IFT140: variants seen among roughly 807,000 people sequenced by gnomAD.
IFT140 encodes the protein intraflagellar transport 140, also known as intraflagellar transport protein 140 homolog.
IFT140 carries 133 observed loss-of-function variants against 164.6 expected under a neutral mutation model. That is an observed-to-expected ratio of 0.81 (90% CI 0.70 to 0.93). The LOEUF (loss-of-function observed/expected upper bound fraction) is 0.93. IFT140 is among the 40% of genes least tolerant of loss of function. The probability of loss-of-function intolerance (pLI) is 0.00; values close to 1 mark genes in which losing one functional copy is unlikely to be tolerated. For missense variants in IFT140, 2,045 were observed against 1,972.3 expected, an observed-to-expected ratio of 1.04 and a Z score of -0.70; for synonymous variants, 860 against 817.3, an observed-to-expected ratio of 1.05 and a Z score of -0.89.
chr16:1,511,162 G>A lies in IFT140; in HGVS notation c.4183-12C>T, dbSNP rs1486803523. The A allele has an allele frequency of 3.1e-6, 5 of 1,592,628 alleles. No homozygotes were observed. Among genetic ancestry groups the A allele is most frequent in the African/African-American group, 1.3e-5 (1 of 74,792 alleles). ...AGGAATCTGTAGGCCTGGGGCAGAG[G>A]AGCAGACATTACTCAGCTTTCCTGA... On this transcript the variant is annotated splice_polypyrimidine_tract_variant and intron_variant, in intron 30 of 30. Coordinates refer to ENST00000426508, the MANE Select transcript of IFT140 (RefSeq NM_014714.4).
At chr16:1,561,519 C>G (rs1401817471) in intron 18 of IFT140, among the ~76,000 whole-genome samples, 4 of 152,176 alleles carry the variant, frequency 2.6e-5, no homozygotes, top group Non-Finnish European at 1.5e-5. Flanking sequence ...TGCCTCCAGG[C>G]TGGGATTATG....
chr16:1,594,501 G>A (rs1156724505), intron 4 of IFT140, among the ~76,000 whole-genome samples: 3 of 152,222 alleles, frequency 2.0e-5, no homozygotes, highest in Non-Finnish European at 4.4e-5. Flanking sequence ...GATTACGGGT[G>A]TGAGCCACAG....
chr16:1,558,740 C>T (rs2033242119), intron 18 of IFT140, among the ~76,000 whole-genome samples: 1 of 152,240 alleles, frequency 6.6e-6, no homozygotes, highest in South Asian at 2.1e-4. Flanking sequence ...TCTCTGGGCT[C>T]TAGCCCTGCC....
intron 1 of IFT140, 65 bp downstream of exon 1, chr16:1,611,903 C>G (rs2036329964): frequency 1.3e-5 from 2 of 152,244 alleles, no homozygotes; most frequent in Admixed American, 1.3e-4. Flanking sequence ...AAGTGCCCAG[C>G]GCCGCTCGGC....
intron 4 of IFT140, among the ~76,000 whole-genome samples, chr16:1,599,649 T>TG (rs1318857526): frequency 1.6e-3 from 17 of 10,352 alleles, no homozygotes; most frequent in African/African-American, 3.6e-3. Context: ...GGGAGGGAGG[T>TG]GGGGGGGGTC....
At chr16:1,575,285 G>A (rs1487505046) in intron 13 of IFT140, among the ~76,000 whole-genome samples, 1 of 152,060 alleles carries the variant, frequency 6.6e-6, no homozygotes, top group African/African-American at 2.4e-5. Context: ...TGAGGCAGGA[G>A]GATGAATTGA....
chr16:1,557,870 A>C, intron 19 of IFT140, 65 bp downstream of exon 19: 1 of 1,492,766 alleles, frequency 6.7e-7, no homozygotes, highest in Non-Finnish European at 9.3e-7. Context: ...GAAGGCAAAC[A>C]GGGAGAAAGG....
At chr16:1,538,303 G>A (rs1248182314) in intron 19 of IFT140, among the ~76,000 whole-genome samples, 1 of 152,212 alleles carries the variant, frequency 6.6e-6, no homozygotes, top group East Asian at 1.9e-4. Flanking sequence ...AGGGCTGTGT[G>A]CCTGGAGCTG....
intron 16 of IFT140, among the ~76,000 whole-genome samples, chr16:1,565,461 G>C (rs1192996742): frequency 6.6e-6 from 1 of 152,132 alleles, no homozygotes; most frequent in Non-Finnish European, 1.5e-5. Flanking sequence ...GAATCCAGGG[G>C]GGCTGGACAG....
chr16:1,585,893 C>A (rs894506283), intron 10 of IFT140, among the ~76,000 whole-genome samples: 72 of 151,760 alleles, frequency 4.7e-4, no homozygotes, highest in African/African-American at 1.6e-3. Flanking sequence ...GCCGCAGCCT[C>A]CTGAGTAGCT....
intron 15 of IFT140, among the ~76,000 whole-genome samples, chr16:1,567,392 GCCTCTGC>G (rs61256585): frequency 0.024 from 3,708 of 152,236 alleles, 145 homozygotes; most frequent in African/African-American, 0.085. Flanking sequence ...GCCAATGCCG[GCCTCTGC>G]CCTCTGCCCT....
intron 9 of IFT140, among the ~76,000 whole-genome samples, chr16:1,586,673 G>T (rs1022874912): frequency 6.6e-6 from 1 of 152,250 alleles, no homozygotes; most frequent in East Asian, 1.9e-4. Flanking sequence ...CCTTCCCGTG[G>T]CATTTCAGGA....
chr16:1,558,108 C>T lies in IFT140; in HGVS notation c.2226G>A (p.Glu742=). 1.2e-6 allele frequency: 2 copies of T among 1,614,150 alleles called. No homozygotes were observed. Among genetic ancestry groups the T allele is most frequent in the Admixed American group, 1.7e-5 (1 of 60,022 alleles). ...GGATGTGGTGGCACCCAGGCTCCAC[C>T]TCGTCTTCTCTGTCTGCTTCTTCGG... ...RKPEEADRED[E]VEPGCHHIPQ... is the part of the protein sequence containing the mutation. Residue 742 remains glutamate, a synonymous_variant, in exon 19 of 31, where the codon GAG becomes GAA. Coordinates refer to ENST00000426508, the MANE Select transcript of IFT140 (RefSeq NM_014714.4).
At chr16:1,527,752 T>G (rs548599214) in intron 19 of IFT140, among the ~76,000 whole-genome samples, 1 of 152,292 alleles carries the variant, frequency 6.6e-6, no homozygotes, top group South Asian at 2.1e-4. Flanking sequence ...TTTGTATTTT[T>G]TGTAGAGACA....
intron 19 of IFT140, among the ~76,000 whole-genome samples, chr16:1,547,478 C>T (rs1250623824): frequency 6.6e-6 from 1 of 152,192 alleles, no homozygotes; most frequent in African/African-American, 2.4e-5. Flanking sequence ...ACTTGGGAAT[C>T]GTCTCGTGGA....
chr16:1,586,854 A>G (rs1029050007), intron 9 of IFT140, among the ~76,000 whole-genome samples: 1 of 152,136 alleles, frequency 6.6e-6, no homozygotes, highest in African/African-American at 2.4e-5. Context: ...CCACCGCTGT[A>G]CACCATCACA....
intron 19 of IFT140, among the ~76,000 whole-genome samples, chr16:1,528,988 T>C (rs947328425): frequency 9.9e-5 from 15 of 152,036 alleles, no homozygotes; most frequent in South Asian, 4.1e-4. Context: ...GGCTCCGAGA[T>C]GGTAGCCCCG....
chr16:1,564,081 A>C lies in IFT140; in HGVS notation c.1983T>G (p.Phe661Leu), dbSNP rs1200709898. 1 of 1,605,148 alleles carries C rather than the reference A, an allele frequency of 6.2e-7. No homozygotes were observed. Among genetic ancestry groups the C allele is most frequent in the Admixed American group, 1.7e-5 (1 of 59,834 alleles). ...GCGTCTCCTGCACGGCTTCGCATAC[A>C]AACAGCCGGGGCTCACTCTGGTCCC... ...HFWDQSEPRL[F>L]VCEAVQETPR... The change falls in exon 17 of 31, where the codon TTT becomes TTG. Residue 661 changes from phenylalanine (F) to leucine (L), a missense_variant. Coordinates refer to ENST00000426508, the MANE Select transcript of IFT140 (RefSeq NM_014714.4). The surrounding 1 kb of genome is among the most constrained non-coding windows in gnomAD (Gnocchi z 5.5).
intron 18 of IFT140, 51 bp from the exon 19 acceptor site, chr16:1,558,185 C>G: frequency 1.3e-6 from 2 of 1,580,390 alleles, no homozygotes. Context: ...AAAGCTGAAG[C>G]CCTCACCCAG....
Sources: allele counts gnomAD v4.1 joint callset (sites outside exome capture counted in the v4.1 genomes callset), GRCh38; gene constraint gnomAD v4.1.1; non-coding constraint Gnocchi (gnomAD v3.1); transcripts MANE v1.5; gene names NCBI Gene and HGNC (gene_info 2026-07-23, HGNC 2026-07-21).